The following CPA6 variants were observed in gnomAD, a reference collection of about 807,000 sequenced individuals.
The protein encoded by CPA6 is carboxypeptidase B.
Under a neutral mutation model 63.3 loss-of-function variants are expected in CPA6, and 58 were observed. The ratio of observed to expected loss-of-function variants is 0.92; its 90% CI spans 0.74 to 1.14. The LOEUF (loss-of-function observed/expected upper bound fraction) is 1.14, where lower values mean the gene tolerates loss of function less well. Ranked by LOEUF, CPA6 falls within the 50% of genes most tolerant of loss-of-function variation. The pLI is 0.00. For missense variants in CPA6, 565 were observed against 526.6 expected (o/e 1.07, Z -0.71); for synonymous variants, 185 against 179.0 (o/e 1.03, Z -0.27).
At chr8:67,516,004 A>G (rs1437910109) in intron 3 of CPA6, among the ~76,000 whole-genome samples, 1 of 152,012 alleles carries the variant, frequency 6.6e-6, no homozygotes. Context: ...CTTCCAATCC[A>G]TATTAGACCC....
rs570500331 is a variant in CPA6 at position 67,620,585 on chromosome 8, G to C, written c.192+3591C>G. 7.9e-5 allele frequency among the ~76,000 whole-genome samples: 12 copies of C among 152,290 alleles called. No homozygotes were observed. The South Asian group carries it at 2.5e-3, about 32-fold the overall frequency. The stretch of plus-strand genomic sequence containing the variant: ...TAATTCTGTCCCATTAGCTCCACAG[G>C]CTGGAAGATGACACACGGTCATATT... On this transcript the variant is annotated intron_variant, in intron 2 of 10. Coordinates refer to ENST00000297770, the MANE Select transcript of CPA6 (RefSeq NM_020361.5).
At chr8:67,501,889 T>C (rs1235505479) in intron 6 of CPA6, among the ~76,000 whole-genome samples, 1 of 152,230 alleles carries the variant, frequency 6.6e-6, no homozygotes, top group Non-Finnish European at 1.5e-5. Context: ...TTTTGGGGAA[T>C]TTAAAAATCA....
At chr8:67,477,383 C>T (rs1301423811) in intron 8 of CPA6, among the ~76,000 whole-genome samples, 2 of 148,886 alleles carry the variant, frequency 1.3e-5, no homozygotes, top group East Asian at 4.0e-4. Context: ...TTTCTACCAA[C>T]TTTGTTAGAT....
intron 2 of CPA6, among the ~76,000 whole-genome samples, chr8:67,590,522 C>T (rs998002033): frequency 6.7e-6 from 1 of 150,312 alleles, no homozygotes; most frequent in African/African-American, 2.4e-5. Flanking sequence ...TAAAAGTGTT[C>T]CTATTTCTCC....
At chr8:67,600,159 G>T (rs1814455876) in intron 2 of CPA6, among the ~76,000 whole-genome samples, 1 of 151,424 alleles carries the variant, frequency 6.6e-6, no homozygotes, top group African/African-American at 2.4e-5. Context: ...CTCAAAAGAA[G>T]ACATTTATGC....
chr8:67,569,458 A>G, intron 2 of CPA6: 1 of 265,256 alleles, frequency 3.8e-6, no homozygotes, highest in Non-Finnish European at 7.9e-6. Flanking sequence ...TACGGAGCAT[A>G]AGTAGCCAGA....
chr8:67,434,338 C>T, intron 8 of CPA6, 98 bp from the exon 9 acceptor site: 1 of 927,568 alleles, frequency 1.1e-6, no homozygotes, highest in South Asian at 1.6e-5. Context: ...TTTTATTTCT[C>T]CAAACATATG....
intron 1 of CPA6, among the ~76,000 whole-genome samples, chr8:67,646,579 T>A (rs2128990691): frequency 6.6e-6 from 1 of 152,316 alleles, no homozygotes; most frequent in South Asian, 2.1e-4. Flanking sequence ...ACAGGTGAGA[T>A]AATGAATAAC....
intron 1 of CPA6, among the ~76,000 whole-genome samples, chr8:67,709,620 A>T (rs1817212590): frequency 6.6e-6 from 1 of 152,238 alleles, no homozygotes; most frequent in Non-Finnish European, 1.5e-5. Context: ...ACCATGGCCC[A>T]GGAAACAGTC....
rs1180353346 is a variant in CPA6 at position 67,523,592 on chromosome 8, A to T, written c.193-5545T>A. On this transcript the variant is annotated intron_variant, in intron 2 of 10. Coordinates refer to ENST00000297770, the MANE Select transcript of CPA6 (RefSeq NM_020361.5). ...ACTTGGAGCATTCATTAAATGATAA[A>T]TAATTCAAAATTCAAAAAAAATTCT... 1.2e-4 allele frequency among the ~76,000 whole-genome samples: 19 copies of T among 152,318 alleles called. No individual in the cohort carries two copies. In the East Asian group the frequency reaches 2.9e-3, roughly 23 times the overall value.
At chr8:67,453,002 C>T in intron 8 of CPA6, among the ~76,000 whole-genome samples, 1 of 152,100 alleles carries the variant, frequency 6.6e-6, no homozygotes, top group Non-Finnish European at 1.5e-5. Flanking sequence ...ATATTAAGTC[C>T]CTTAGGCAAG....
chr8:67,471,850 T>A (rs987534130), intron 8 of CPA6, among the ~76,000 whole-genome samples: 3 of 152,172 alleles, frequency 2.0e-5, no homozygotes, highest in African/African-American at 7.2e-5. Context: ...GGAAAATATT[T>A]AATAACATTA....
chr8:67,707,839 G>A (rs906023082), intron 1 of CPA6, among the ~76,000 whole-genome samples: 9 of 151,892 alleles, frequency 5.9e-5, no homozygotes, highest in Non-Finnish European at 1.5e-5. Flanking sequence ...ACTGGGACCT[G>A]GGAGGAAGCA....
chr8:67,528,751 T>C (rs553580805), intron 2 of CPA6, among the ~76,000 whole-genome samples: 52 of 152,132 alleles, frequency 3.4e-4, no homozygotes, highest in African/African-American at 1.2e-3. Context: ...GGGTAAAATA[T>C]TTTTGATCCA....
chr8:67,578,081 TA>T (rs1299429640), intron 2 of CPA6, among the ~76,000 whole-genome samples: 3 of 152,218 alleles, frequency 2.0e-5, no homozygotes, highest in African/African-American at 7.2e-5. Context: ...TTTTAACTAT[TA>T]AAAAATATAA....
rs1817466466 is a variant in CPA6 at position 67,720,161 on chromosome 8, T to TG, written c.116+25852dup. 2.1e-5 allele frequency among the ~76,000 whole-genome samples: 3 copies of TG among 140,602 alleles called. No homozygotes were observed. In the South Asian group the frequency reaches 7.0e-4, roughly 33 times the overall value. 92.2% of individuals were successfully genotyped at this position (140,602 alleles called of 152,430 possible). On this transcript the variant is annotated intron_variant, in intron 1 of 10. Coordinates refer to ENST00000297770, the MANE Select transcript of CPA6 (RefSeq NM_020361.5). ...GGGTTTGTTCTCTGGCGGGCAGGAG[T>TG]GGGGGTCGCAAGGTGCTCAGTGGGG...
At chr8:67,581,498 A>AT (rs896211780) in intron 2 of CPA6, among the ~76,000 whole-genome samples, 1 of 152,204 alleles carries the variant, frequency 6.6e-6, no homozygotes, top group Admixed American at 6.5e-5. Context: ...GAAGCAGGAT[A>AT]TTTTTTCCCT....
At chr8:67,463,433 AACTC>A (rs982909848) in intron 8 of CPA6, among the ~76,000 whole-genome samples, 75 of 151,168 alleles carry the variant, frequency 5.0e-4, no homozygotes, top group African/African-American at 1.7e-3. Context: ...GACAGACTGA[AACTC>A]ACTCTCTCTC....
rs542295885 is a variant in CPA6, at chr8:67,716,052, G to T, written c.116+29962C>A. Among the ~76,000 whole-genome samples, 49 of 150,054 alleles carry T rather than the reference G, an allele frequency of 3.3e-4. No homozygotes were observed. In the East Asian group the frequency reaches 8.7e-3, roughly 27 times the overall value. On this transcript the variant is annotated intron_variant, in intron 1 of 10. Transcript: ENST00000297770. ...ACCTGCAATCCCAGCTACTCAAAAG[G>T]CTGAGGCAGGAGAATCACTTGAACC...
Sources: gnomAD v4.1 joint callset for allele counts (sites outside exome capture counted in the v4.1 genomes callset) on GRCh38, gnomAD v4.1.1 for gene constraint, MANE v1.5 for transcripts, NCBI Gene and HGNC (gene_info 2026-07-23, HGNC 2026-07-21) for gene names.